NAV3: variants seen among roughly 807,000 people sequenced by gnomAD.
NAV3 encodes the protein neuron navigator 3, also known as pore membrane and/or filament interacting like protein 1.
In NAV3, 87 loss-of-function variants were observed where a neutral mutation model predicts 244.7. The observed-to-expected ratio is 0.36, with a 90% CI of 0.30 to 0.42. The LOEUF (loss-of-function observed/expected upper bound fraction) is 0.42. Among genes scored for constraint, NAV3 ranks in the 20% least tolerant of loss-of-function variants. NAV3 has a pLI of 1.00. For synonymous variants in NAV3, 1,126 were observed against 1,042.2 expected (o/e 1.08, Z -1.55); for missense variants, 2,663 against 2,893.3 (o/e 0.92, Z 1.83).
chr12:77,807,796 C>T (rs1371733575), intron 2 of NAV3, among the ~76,000 whole-genome samples: 1 of 152,182 alleles, frequency 6.6e-6, no homozygotes, highest in Non-Finnish European at 1.5e-5. Flanking sequence ...TTTTCCCCGT[C>T]ACTTTCACGT....
intron 2 of NAV3, among the ~76,000 whole-genome samples, chr12:77,726,969 C>T (rs769848257): frequency 6.6e-6 from 1 of 151,876 alleles, no homozygotes; most frequent in Admixed American, 6.6e-5. Flanking sequence ...AGCTATAGAA[C>T]AGTTTTAATC....
intron 2 of NAV3, among the ~76,000 whole-genome samples, chr12:77,665,177 A>T (rs1873661492): frequency 6.6e-6 from 1 of 152,228 alleles, no homozygotes; most frequent in African/African-American, 2.4e-5. Context: ...TTTTCATCTG[A>T]AAAAAGCATG....
chr12:78,165,211 G>A (rs1957727742), intron 23 of NAV3, among the ~76,000 whole-genome samples: 1 of 151,992 alleles, frequency 6.6e-6, no homozygotes, highest in South Asian at 2.1e-4. Flanking sequence ...TGAAATCTTA[G>A]TTTGGTTCTC....
intron 2 of NAV3, among the ~76,000 whole-genome samples, chr12:77,741,899 T>C (rs1288469493): frequency 6.6e-6 from 1 of 152,128 alleles, no homozygotes; most frequent in Non-Finnish European, 1.5e-5. Context: ...CATGGGTATA[T>C]AATCTCATTT....
intron 2 of NAV3, among the ~76,000 whole-genome samples, chr12:77,789,456 A>G (rs1201846950): frequency 6.6e-6 from 1 of 151,900 alleles, no homozygotes; most frequent in East Asian, 1.9e-4. Flanking sequence ...TCCTGGCCAC[A>G]TTGGAAGAAT....
intron 2 of NAV3, among the ~76,000 whole-genome samples, chr12:77,640,275 TGTG>T (rs1592530451): frequency 6.6e-6 from 1 of 151,994 alleles, no homozygotes; most frequent in South Asian, 2.1e-4. Flanking sequence ...GTGTGTAAGT[TGTG>T]GTGCAACACA....
intron 12 of NAV3, among the ~76,000 whole-genome samples, chr12:78,077,536 A>G (rs1348859395): frequency 6.6e-5 from 10 of 152,224 alleles, no homozygotes; most frequent in Admixed American, 5.9e-4. Flanking sequence ...CATGGTGGTG[A>G]AACAAATCCA....
chr12:78,188,705 C>G lies in NAV3; in HGVS notation c.5983C>G (p.Leu1995Val), dbSNP rs756793687. 1 of 1,612,448 alleles carries G rather than the reference C, an allele frequency of 6.2e-7. No individual in the cohort carries two copies. The highest frequency in any genetic ancestry group is 1.7e-5 in the Admixed American group (1 of 59,878). ...AGGAGACTTAATTAGATCCCATAAC[C>G]TAGAAGTGCCTGAATTGCTGCCTTG... Reference protein sequence around the residue: ...CIGDLIRSHNLEVPELLPCGY... With the variant: ...CIGDLIRSHNVEVPELLPCGY... The change falls in exon 33 of 40, where the codon CTA becomes GTA. Residue 1995 changes from leucine to valine, a missense_variant. Coordinates refer to ENST00000397909, the MANE Select transcript of NAV3 (RefSeq NM_001024383.2).
chr12:77,744,377 A>G (rs879093042), intron 2 of NAV3, among the ~76,000 whole-genome samples: 3 of 152,002 alleles, frequency 2.0e-5, no homozygotes, highest in African/African-American at 7.2e-5. Flanking sequence ...TTTATTTTTT[A>G]ATAGAGACTA....
At chr12:77,685,284 G>A (rs1310720741) in intron 2 of NAV3, among the ~76,000 whole-genome samples, 5 of 152,074 alleles carry the variant, frequency 3.3e-5, no homozygotes, top group African/African-American at 1.2e-4. Flanking sequence ...TTTGCTAAGC[G>A]CCTTGGAGCA....
At chr12:78,021,202 G>T (rs1877098141) in intron 8 of NAV3, among the ~76,000 whole-genome samples, 1 of 152,052 alleles carries the variant, frequency 6.6e-6, no homozygotes, top group Admixed American at 6.6e-5. Flanking sequence ...TGAAACAGAT[G>T]ATATGAAAGG....
At position 78,179,574 on chromosome 12, in the gene NAV3, G is replaced by T. The variant is rs142306478; in HGVS notation, c.5409G>T (p.Leu1803=). The T allele has an allele frequency of 6.2e-7, 1 of 1,613,350 alleles. No individual in the cohort carries two copies. The highest frequency in any genetic ancestry group is 1.1e-5 in the South Asian group (1 of 91,054). ...TEAEAEIILQ[L]KSELREKELK... is the part of the protein sequence containing the mutation. ...CTGAGGCAGAGATAATTCTGCAGCT[G>T]AAGAGCGAGCTCAGAGAAAAGGAAT... The change falls in exon 29 of 40, where the codon CTG becomes CTT. Residue 1803 remains leucine, a synonymous_variant. Transcript: ENST00000397909.
intron 7 of NAV3, among the ~76,000 whole-genome samples, chr12:78,005,744 G>A (rs1028113559): frequency 6.6e-6 from 1 of 152,136 alleles, no homozygotes; most frequent in Non-Finnish European, 1.5e-5. Context: ...AGCTTACTAA[G>A]CTCTGGTTTC....
At chr12:77,853,285 T>A (rs1877835634) in intron 1 of NAV3, among the ~76,000 whole-genome samples, 1 of 152,250 alleles carries the variant, frequency 6.6e-6, no homozygotes, top group Non-Finnish European at 1.5e-5. Flanking sequence ...TCTTCCGTTG[T>A]GTTCATTCAG....
intron 34 of NAV3, among the ~76,000 whole-genome samples, 190 bp from the exon 35 acceptor site, chr12:78,197,057 T>TA (rs1353708116): frequency 6.6e-6 from 1 of 151,922 alleles, no homozygotes; most frequent in Non-Finnish European, 1.5e-5. Context: ...TGCTTTCATT[T>TA]AAAAAAATTA....
chr12:77,833,327 TAATGAATC>T (rs1430758857), intron 1 of NAV3, among the ~76,000 whole-genome samples: 10 of 151,926 alleles, frequency 6.6e-5, no homozygotes, highest in Non-Finnish European at 1.2e-4. Flanking sequence ...ATACAGCAAT[TAATGAATC>T]AATGAATGAA....
intron 2 of NAV3, among the ~76,000 whole-genome samples, chr12:77,611,175 G>C (rs1163507403): frequency 3.3e-5 from 5 of 151,924 alleles, no homozygotes; most frequent in African/African-American, 1.2e-4. Flanking sequence ...ACAAAATTAT[G>C]TTAACTAGGG....
chr12:77,719,248 T>A (rs957236041), intron 2 of NAV3, among the ~76,000 whole-genome samples: 2 of 152,190 alleles, frequency 1.3e-5, no homozygotes, highest in Non-Finnish European at 2.9e-5. Flanking sequence ...GAGTATATCA[T>A]CTGCAAAAAC....
chr12:77,645,534 TCTAAA>T (rs1317976783), intron 2 of NAV3, among the ~76,000 whole-genome samples: 2 of 89,320 alleles, frequency 2.2e-5, no homozygotes, highest in African/African-American at 1.3e-4. Flanking sequence ...GCTCTCTCTC[TCTAAA>T]AAAAAAAAAA....
Sources: gnomAD v4.1 joint callset for allele counts (sites outside exome capture counted in the v4.1 genomes callset) on GRCh38, gnomAD v4.1.1 for gene constraint, MANE v1.5 for transcripts, NCBI Gene and HGNC (gene_info 2026-07-23, HGNC 2026-07-21) for gene names.